The following PRKAA2 variants were observed in gnomAD, a reference collection of about 807,000 sequenced individuals.
PRKAA2 encodes 5'-AMP-activated protein kinase catalytic subunit alpha-2.
In PRKAA2, 40 loss-of-function variants were observed where a neutral mutation model predicts 56.3. The observed-to-expected ratio is 0.71, with a 90% CI of 0.55 to 0.92. The LOEUF (loss-of-function observed/expected upper bound fraction) is 0.92. PRKAA2 is among the 40% of genes least tolerant of loss of function. The probability of loss-of-function intolerance (pLI) is 0.00; values close to 1 mark genes in which losing one functional copy is unlikely to be tolerated. For missense variants in PRKAA2, 542 were observed against 686.9 expected (o/e 0.79, Z 2.36); for synonymous variants, 214 against 234.2 (o/e 0.91, Z 0.79).
intron 1 of PRKAA2, chr1:56,671,338 C>A (rs545098311): frequency 6.6e-6 from 1 of 152,184 alleles, no homozygotes; most frequent in East Asian, 1.9e-4. Context: ...AGGAGAGAGA[C>A]GTATTTGTTA....
chr1:56,695,603 A>G (rs1306852977), intron 5 of PRKAA2, among the ~76,000 whole-genome samples: 3 of 152,164 alleles, frequency 2.0e-5, no homozygotes, highest in African/African-American at 7.2e-5. Context: ...CCTATACACC[A>G]TAGTATTTTT....
In PRKAA2 at chr1:56,707,802, A is replaced by C; in HGVS notation, c.*89A>C. The C allele has an allele frequency of 1.1e-5, 13 of 1,161,060 alleles. No individual in the cohort carries two copies. The highest frequency in any genetic ancestry group is 1.6e-5 in the Non-Finnish European group (13 of 810,896). The allele number at this position is 1,161,060 out of a possible 1,614,324, so 71.9% of individuals were successfully genotyped here. The stretch of plus-strand genomic sequence containing the variant: ...CTTACTTTTGGATAATATCCACTGC[A>C]ATACTAATTGAGAAACATGAATTAT... On this transcript the variant is annotated 3_prime_UTR_variant, in exon 9 of 9. Coordinates refer to ENST00000371244, the MANE Select transcript of PRKAA2 (RefSeq NM_006252.4).
At chr1:56,706,045 A>T in intron 7 of PRKAA2, 47 bp from the exon 8 acceptor site, 2 of 1,510,736 alleles carry the variant, frequency 1.3e-6, no homozygotes, top group Non-Finnish European at 1.8e-6. Flanking sequence ...TTGCATAAAA[A>T]GGTAGATATT....
rs1228053825 is a variant in PRKAA2, at chr1:56,711,324, G to A, written c.*3611G>A. 6.6e-6 allele frequency: 1 copy of A among 152,064 alleles called. No homozygotes were observed. The highest frequency in any genetic ancestry group is 2.4e-5 in the African/African-American group (1 of 41,406). The allele number at this position is 152,064 out of a possible 1,614,324, so 9.4% of individuals were successfully genotyped here. A position where few individuals can be genotyped will look rare whatever the true frequency, so the allele number is the denominator to read the frequency against. ...TTAGAAAAAATCATAAGCAACTATT[G>A]TAGATTTTTGATCTGTTTGGATTTA... On this transcript the variant is annotated 3_prime_UTR_variant, in exon 9 of 9. Transcript: ENST00000371244.
chr1:56,651,950 T>A (rs1236862314), intron 1 of PRKAA2, among the ~76,000 whole-genome samples: 1 of 151,178 alleles, frequency 6.6e-6, no homozygotes, highest in East Asian at 1.9e-4. Flanking sequence ...CACGCCATTC[T>A]CTTGCCTCAG....
chr1:56,677,537 C>G (rs1191701587), intron 2 of PRKAA2, among the ~76,000 whole-genome samples: 1 of 152,176 alleles, frequency 6.6e-6, no homozygotes. Context: ...GGAAATTTTA[C>G]CCGTTTGGGT....
At chr1:56,683,595 A>G (rs772709204) in intron 2 of PRKAA2, among the ~76,000 whole-genome samples, 1 of 152,142 alleles carries the variant, frequency 6.6e-6, no homozygotes. Flanking sequence ...CCTTGCTATT[A>G]TAGAGATTAT....
chr1:56,685,620 T>C (rs926161111), intron 2 of PRKAA2, among the ~76,000 whole-genome samples: 1 of 152,184 alleles, frequency 6.6e-6, no homozygotes, highest in African/African-American at 2.4e-5. Flanking sequence ...ACTTAGTCTT[T>C]CAAATGAAAA....
At chr1:56,704,865 T>G (rs561031852) in intron 7 of PRKAA2, among the ~76,000 whole-genome samples, 9 of 152,140 alleles carry the variant, frequency 5.9e-5, no homozygotes, top group African/African-American at 2.2e-4. Context: ...GTGGCTGTAA[T>G]AGCTAGTGGT....
chr1:56,680,456 C>G (rs1644145424), intron 2 of PRKAA2, among the ~76,000 whole-genome samples: 1 of 151,886 alleles, frequency 6.6e-6, no homozygotes, highest in Non-Finnish European at 1.5e-5. Flanking sequence ...TGTGCTGCAC[C>G]CATTAACTCG....
At chr1:56,654,146 T>A (rs968151084) in intron 1 of PRKAA2, among the ~76,000 whole-genome samples, 2 of 152,112 alleles carry the variant, frequency 1.3e-5, no homozygotes, top group African/African-American at 2.4e-5. Flanking sequence ...TCCATATAAA[T>A]TAGAAAGGAT....
chr1:56,658,135 A>T (rs569094030), intron 1 of PRKAA2, among the ~76,000 whole-genome samples: 14 of 152,358 alleles, frequency 9.2e-5, no homozygotes, highest in Admixed American at 4.6e-4. Flanking sequence ...TGGGGTAGCC[A>T]TTAAAATGAA....
intron 1 of PRKAA2, among the ~76,000 whole-genome samples, chr1:56,672,402 C>T (rs1314936739): frequency 1.3e-5 from 2 of 152,166 alleles, no homozygotes; most frequent in African/African-American, 4.8e-5. Flanking sequence ...CAGGCATGAG[C>T]TGTCATGCTT....
intron 6 of PRKAA2, among the ~76,000 whole-genome samples, chr1:56,703,194 A>G (rs188465788): frequency 3.0e-4 from 45 of 152,318 alleles, no homozygotes; most frequent in African/African-American, 1.1e-3. Flanking sequence ...TTTTGATTTT[A>G]AAATCTTGTA....
At chr1:56,690,948 G>A (rs1286553250) in intron 2 of PRKAA2, among the ~76,000 whole-genome samples, 1 of 151,878 alleles carries the variant, frequency 6.6e-6, no homozygotes, top group South Asian at 2.1e-4. Context: ...AGTTTGTTTT[G>A]CTGTCAATTC....
rs933792708 is a variant in PRKAA2 at position 56,702,707 on chromosome 1, A to G, written c.789-1264A>G. 2.0e-5 allele frequency among the ~76,000 whole-genome samples: 3 copies of G among 152,198 alleles called. No individual in the cohort carries two copies. The East Asian group carries it at 5.8e-4, about 29-fold the overall frequency. On this transcript the variant is annotated intron_variant, in intron 6 of 8. Transcript: ENST00000371244. The stretch of plus-strand genomic sequence containing the variant: ...ATATCTGTTCTGCAACTCTTTGCAT[A>G]GCTGACTTCAGATCATTCTAGTGTC...
chr1:56,650,027 G>C (rs1044798894), intron 1 of PRKAA2, among the ~76,000 whole-genome samples: 1 of 151,984 alleles, frequency 6.6e-6, no homozygotes. Context: ...CCCGGGAGGC[G>C]GAAGTTGCAG....
At chr1:56,672,426 A>G (rs1474554565) in intron 1 of PRKAA2, among the ~76,000 whole-genome samples, 2 of 152,100 alleles carry the variant, frequency 1.3e-5, no homozygotes, top group East Asian at 1.9e-4. Flanking sequence ...CCTTGAATTT[A>G]GTTTTGAATG....
chr1:56,686,661 C>A (rs1222519115), intron 2 of PRKAA2, among the ~76,000 whole-genome samples: 2 of 151,980 alleles, frequency 1.3e-5, no homozygotes, highest in Non-Finnish European at 2.9e-5. Flanking sequence ...ACAACCAGCT[C>A]TCTTATGAAC....
Sources: allele counts gnomAD v4.1 joint callset (sites outside exome capture counted in the v4.1 genomes callset), GRCh38; gene constraint gnomAD v4.1.1; transcripts MANE v1.5; gene names NCBI Gene and HGNC (gene_info 2026-07-23, HGNC 2026-07-21).